Variants in BCAS3 observed in about 807,000 individuals in gnomAD.
The protein encoded by BCAS3 is BCAS3 microtubule associated cell migration factor, also known as BCAS4/BCAS3 fusion.
A neutral mutation model predicts 116.1 loss-of-function variants in BCAS3; 53 were observed. The ratio of observed to expected loss-of-function variants is 0.46; its 90% CI spans 0.37 to 0.57. BCAS3 has a LOEUF of 0.57. Ranked by LOEUF, BCAS3 falls within the 20% of genes least tolerant of loss-of-function variation. The pLI is 0.00. For missense variants in BCAS3, 917 were observed against 1,165.4 expected (o/e 0.79, Z 3.10); for synonymous variants, 391 against 408.2 (o/e 0.96, Z 0.51).
At position 61,026,759 on chromosome 17, in the gene BCAS3, T is replaced by A. The variant is rs1460720258; in HGVS notation, c.1638-7907T>A. 4.6e-5 allele frequency: 47 copies of A among 1,022,796 alleles called. No homozygotes were observed. The highest frequency in any genetic ancestry group is 6.8e-5 in the Non-Finnish European group (46 of 676,728). 63.4% of individuals were successfully genotyped at this position (1,022,796 alleles called of 1,614,324 possible). ...GAATTGTAAATGATTACTAATTTTT[T>A]AGTTATTTTTATCCATACTCTATAA... On this transcript the variant is annotated intron_variant, in intron 16 of 23. Coordinates refer to ENST00000407086, the MANE Select transcript of BCAS3 (RefSeq NM_017679.5). This position sits in a 1 kb window ranked among gnomAD's most constrained non-coding sequence, Gnocchi z 5.0.
At chr17:60,828,683 C>T (rs1322513063) in intron 7 of BCAS3, among the ~76,000 whole-genome samples, 1 of 152,122 alleles carries the variant, frequency 6.6e-6, no homozygotes, top group Non-Finnish European at 1.5e-5. Context: ...CTAAAGATCA[C>T]CTCTCCTGCC....
chr17:61,129,926 A>G lies in BCAS3; in HGVS notation c.2425+45362A>G, dbSNP rs529188119. On this transcript the variant is annotated intron_variant, in intron 22 of 23. Coordinates refer to ENST00000407086, the MANE Select transcript of BCAS3 (RefSeq NM_017679.5). ...CTTAATTACAGAATTTCAAAGAAAA[A>G]TAAAATCCTTATCTGTACTTAACAA... is the stretch of plus-strand genomic sequence containing the variant. 3.9e-5 allele frequency among the ~76,000 whole-genome samples: 6 copies of G among 152,362 alleles called. No homozygotes were observed. In the South Asian group the frequency reaches 1.2e-3, roughly 32 times the overall value.
rs995214337 is a variant in BCAS3, at chr17:61,077,994, G to A, written c.2131-339G>A. ...GAATGAATGAAAAGGTAGACCCTAC[G>A]GAGCTGACACTAGTTATATGAGGCA... On this transcript the variant is annotated intron_variant, in intron 20 of 23. Coordinates refer to ENST00000407086, the MANE Select transcript of BCAS3 (RefSeq NM_017679.5). The surrounding 1 kb of genome is among the most constrained non-coding windows in gnomAD (Gnocchi z 4.3). Among the ~76,000 whole-genome samples, 3 of 152,118 alleles carry A rather than the reference G, an allele frequency of 2.0e-5. No individual in the cohort carries two copies. Among genetic ancestry groups the A allele is most frequent in the East Asian group, 1.9e-4 (1 of 5,190 alleles).
Position 61,019,159 on chromosome 17 carries a change from C to T in BCAS3, c.1637+3258C>T, listed in dbSNP as rs775545397. On this transcript the variant is annotated intron_variant, in intron 16 of 23. Transcript: ENST00000407086. The surrounding 1 kb of genome is among the most constrained non-coding windows in gnomAD (Gnocchi z 5.6). ...CGCACAGCAGGAGGTGAACAACAGG[C>T]GAGTGAGCATCACCGCCTGAGCTCT... Among the ~76,000 whole-genome samples, 1 of 152,154 alleles carries T rather than the reference C, an allele frequency of 6.6e-6. No individual in the cohort carries two copies. The highest frequency in any genetic ancestry group is 1.5e-5 in the Non-Finnish European group (1 of 68,026).
At chr17:60,890,168 A>G (rs2057036936) in intron 10 of BCAS3, among the ~76,000 whole-genome samples, 1 of 152,194 alleles carries the variant, frequency 6.6e-6, no homozygotes, top group Non-Finnish European at 1.5e-5. Context: ...AATTTAATTG[A>G]CAAGGCTAGG....
intron 11 of BCAS3, among the ~76,000 whole-genome samples, chr17:60,909,621 T>G (rs1008448781): frequency 6.6e-6 from 1 of 152,174 alleles, no homozygotes; most frequent in Non-Finnish European, 1.5e-5. Flanking sequence ...CTCACAAGTA[T>G]TTGTCTTTAT....
chr17:60,944,561 A>G (rs2060384768), intron 13 of BCAS3, among the ~76,000 whole-genome samples: 1 of 152,124 alleles, frequency 6.6e-6, no homozygotes, highest in Admixed American at 6.5e-5. Context: ...AAATCATCCA[A>G]ACACATTATT....
In BCAS3 at chr17:61,077,344, C is replaced by T. The variant is rs1259658087; in HGVS notation, c.2131-989C>T. Among the ~76,000 whole-genome samples the T allele has an allele frequency of 6.6e-6, 1 of 151,958 alleles. No individual in the cohort carries two copies. The highest frequency in any genetic ancestry group is 6.6e-5 in the Admixed American group (1 of 15,262). ...CATCCTGGCTAACACGGTGAAACCC[C>T]GTCTCTACTAAAAATACAAAAAATT... On this transcript the variant is annotated intron_variant, in intron 20 of 23. Coordinates refer to ENST00000407086, the MANE Select transcript of BCAS3 (RefSeq NM_017679.5). This position sits in a 1 kb window ranked among gnomAD's most constrained non-coding sequence, Gnocchi z 4.3.
chr17:60,979,725 G>A (rs144032083), intron 14 of BCAS3, among the ~76,000 whole-genome samples: 22,669 of 151,484 alleles, frequency 0.15, 5,438 homozygotes, highest in African/African-American at 0.51. Flanking sequence ...AATTTTGTCA[G>A]AGGCCTTTTC....
intron 7 of BCAS3, 105 bp downstream of exon 7, chr17:60,808,181 C>A (rs1215691005): frequency 1.3e-6 from 1 of 762,448 alleles, no homozygotes; most frequent in Non-Finnish European, 2.1e-6. Context: ...AGACTAAGCT[C>A]TCATAAGAGA....
intron 22 of BCAS3, among the ~76,000 whole-genome samples, chr17:61,210,724 GTAA>G (rs1429742326): frequency 6.6e-6 from 1 of 152,172 alleles, no homozygotes; most frequent in Non-Finnish European, 1.5e-5. Context: ...CCCTAACTGA[GTAA>G]TAACATACAT....
chr17:60,828,265 G>C (rs1431208582), intron 7 of BCAS3, among the ~76,000 whole-genome samples: 1 of 152,194 alleles, frequency 6.6e-6, no homozygotes, highest in Admixed American at 6.5e-5. Context: ...CATGTGCATA[G>C]TGAATAAGCC....
At position 61,235,168 on chromosome 17, in the gene BCAS3, T is replaced by C. The variant is rs1346130592; in HGVS notation, c.2426-133159T>C. The stretch of plus-strand genomic sequence containing the variant: ...TTCCAAAGTGCTGGGATTATAGGCG[T>C]GAACCACCACGCCTGGCTGTCTGCC... On this transcript the variant is annotated intron_variant, in intron 22 of 23. Transcript: ENST00000407086. The surrounding 1 kb of genome is among the most constrained non-coding windows in gnomAD (Gnocchi z 5.0). Among the ~76,000 whole-genome samples, 1 of 152,196 alleles carries C rather than the reference T, an allele frequency of 6.6e-6. No homozygotes were observed. The highest frequency in any genetic ancestry group is 1.5e-5 in the Non-Finnish European group (1 of 68,038).
chr17:60,714,339 C>A (rs1027475463), intron 5 of BCAS3, among the ~76,000 whole-genome samples: 3 of 152,074 alleles, frequency 2.0e-5, no homozygotes, highest in African/African-American at 7.2e-5. Context: ...TTAGTTTTTG[C>A]TTCTAGTATA....
chr17:60,735,691 C>T (rs540065088), intron 5 of BCAS3, among the ~76,000 whole-genome samples: 1 of 152,004 alleles, frequency 6.6e-6, no homozygotes, highest in African/African-American at 2.4e-5. Flanking sequence ...TGGGTTCAAG[C>T]GATCCACTCA....
In BCAS3 at chr17:61,323,318, T is replaced by C. The variant is rs959723928; in HGVS notation, c.2426-45009T>C. 2.6e-5 allele frequency among the ~76,000 whole-genome samples: 4 copies of C among 152,184 alleles called. No individual in the cohort carries two copies. The highest frequency in any genetic ancestry group is 5.9e-5 in the Non-Finnish European group (4 of 68,030). On this transcript the variant is annotated intron_variant, in intron 22 of 23. Transcript: ENST00000407086. The surrounding 1 kb of genome is among the most constrained non-coding windows in gnomAD (Gnocchi z 4.6). ...CCTCTGAAATCTCACTGGTTGAATATGAATTTATGTGGAGCACTCAGCTAC... is the reference window on the plus strand; with the variant it reads ...CCTCTGAAATCTCACTGGTTGAATACGAATTTATGTGGAGCACTCAGCTAC...
At chr17:60,790,635 A>G (rs2046675531) in intron 6 of BCAS3, among the ~76,000 whole-genome samples, 1 of 152,238 alleles carries the variant, frequency 6.6e-6, no homozygotes, top group East Asian at 1.9e-4. Context: ...CTTTCTCACT[A>G]CATTATCACA....
intron 22 of BCAS3, among the ~76,000 whole-genome samples, chr17:61,274,084 T>C (rs1197356794): frequency 6.6e-6 from 1 of 151,206 alleles, no homozygotes; most frequent in Non-Finnish European, 1.5e-5. Flanking sequence ...ACATTAGGTA[T>C]ATCTCCTAAT....
chr17:60,791,937 A>G (rs1308460373), intron 6 of BCAS3, among the ~76,000 whole-genome samples: 1 of 151,936 alleles, frequency 6.6e-6, no homozygotes, highest in Non-Finnish European at 1.5e-5. Flanking sequence ...AGCCTGGCCA[A>G]CACAGTGAAA....
Sources: allele counts gnomAD v4.1 joint callset (sites outside exome capture counted in the v4.1 genomes callset), GRCh38; gene constraint gnomAD v4.1.1; non-coding constraint Gnocchi (gnomAD v3.1); transcripts MANE v1.5; gene names NCBI Gene and HGNC (gene_info 2026-07-23, HGNC 2026-07-21).